Variants in HS6ST2 observed in about 807,000 individuals in gnomAD.
HS6ST2 encodes the protein heparan sulfate 6-O-sulfotransferase 2, also known as heparan-sulfate 6-O-sulfotransferase 2.
A neutral mutation model predicts 33.0 loss-of-function variants in HS6ST2; 17 were observed. The ratio of observed to expected loss-of-function variants is 0.52; its 90% CI spans 0.35 to 0.77. The LOEUF (loss-of-function observed/expected upper bound fraction) is 0.77. Ranked by LOEUF, HS6ST2 falls within the 30% of genes least tolerant of loss-of-function variation. The pLI is 0.01. For missense variants in HS6ST2, 519 were observed against 551.7 expected (o/e 0.94, Z 0.59); for synonymous variants, 248 against 237.1 (o/e 1.05, Z -0.42).
intron 2 of HS6ST2, among the ~76,000 whole-genome samples, chrX:132,805,503 G>A (rs2065272854): frequency 9.2e-6 from 1 of 109,249 alleles, no homozygotes; most frequent in African/African-American, 3.3e-5. Flanking sequence ...CCTCTTCCCT[G>A]ACAGAGACAC....
At chrX:132,678,319 G>C (rs2063940341) in intron 3 of HS6ST2, among the ~76,000 whole-genome samples, 1 of 112,226 alleles carries the variant, frequency 8.9e-6, no homozygotes, top group South Asian at 3.7e-4. Context: ...TTGCACCACT[G>C]CACTCCAGGC....
chrX:132,643,633 G>C (rs2063618357), intron 4 of HS6ST2, among the ~76,000 whole-genome samples: 1 of 111,307 alleles, frequency 9.0e-6, no homozygotes, highest in Non-Finnish European at 1.9e-5. Context: ...GGCACAGAAG[G>C]GACCCAAAAC....
chrX:132,903,781 A>G (rs1483949351), intron 2 of HS6ST2, among the ~76,000 whole-genome samples: 4 of 112,460 alleles, frequency 3.6e-5, no homozygotes, highest in African/African-American at 1.3e-4. Context: ...AATATTTCAC[A>G]ATCTATAATA....
At chrX:132,719,169 C>A (rs1408951009) in intron 2 of HS6ST2, among the ~76,000 whole-genome samples, 5 of 111,373 alleles carry the variant, frequency 4.5e-5, no homozygotes, top group African/African-American at 1.6e-4. Context: ...AGAATTTGAC[C>A]TTGACATCGT....
At chrX:132,848,599 G>T (rs1187425499) in intron 2 of HS6ST2, among the ~76,000 whole-genome samples, 1 of 111,629 alleles carries the variant, frequency 9.0e-6, no homozygotes, top group Non-Finnish European at 1.9e-5. Context: ...GACTGCAAAA[G>T]AGAGGTCTCT....
intron 2 of HS6ST2, among the ~76,000 whole-genome samples, chrX:132,793,703 G>A (rs1185243016): frequency 8.9e-6 from 1 of 112,103 alleles, no homozygotes; most frequent in Non-Finnish European, 1.9e-5. Flanking sequence ...GGGTGAAAAC[G>A]TTTGATATTT....
intron 4 of HS6ST2, among the ~76,000 whole-genome samples, chrX:132,661,859 A>T (rs1338779496): frequency 9.0e-6 from 1 of 111,100 alleles, no homozygotes; most frequent in Non-Finnish European, 1.9e-5. Flanking sequence ...GTGAGACCCC[A>T]TCTCTACAAA....
At position 132,883,778 on chromosome X, in the gene HS6ST2, G is replaced by A. The variant is rs193129300; in HGVS notation, c.947+73030C>T. Among the ~76,000 whole-genome samples the A allele has an allele frequency of 8.5e-4, 95 of 111,329 alleles. No homozygotes were observed. In the East Asian group the frequency reaches 0.022, roughly 26 times the overall value. Reference sequence around the variant, plus strand: ...CCAAATGGCTGTCTTAACTGACACCGTCTTGCTTTCACTCGTGATAAGCAC... The same window carrying A: ...CCAAATGGCTGTCTTAACTGACACCATCTTGCTTTCACTCGTGATAAGCAC... On this transcript the variant is annotated intron_variant, in intron 2 of 4. Transcript: ENST00000370833.
chrX:132,833,740 CA>C (rs1432738699), intron 2 of HS6ST2, among the ~76,000 whole-genome samples: 1 of 108,401 alleles, frequency 9.2e-6, no homozygotes, highest in East Asian at 2.9e-4. Flanking sequence ...CTGGAGGGAA[CA>C]TAAGTTTTCA....
At chrX:132,880,377 A>T (rs1195615845) in intron 2 of HS6ST2, among the ~76,000 whole-genome samples, 1 of 109,802 alleles carries the variant, frequency 9.1e-6, no homozygotes, top group Non-Finnish European at 1.9e-5. Context: ...CTCTCCTAAA[A>T]ATACAAAAAT....
intron 2 of HS6ST2, among the ~76,000 whole-genome samples, chrX:132,896,872 A>G (rs1375768028): frequency 8.9e-6 from 1 of 112,135 alleles, no homozygotes; most frequent in Non-Finnish European, 1.9e-5. Flanking sequence ...GTGCTATGTC[A>G]TAAACATCTA....
At chrX:132,826,061 T>A (rs1253974180) in intron 2 of HS6ST2, among the ~76,000 whole-genome samples, 1 of 112,522 alleles carries the variant, frequency 8.9e-6, no homozygotes, top group Non-Finnish European at 1.9e-5. Context: ...AATCACTTGC[T>A]TGAGAATTAA....
At chrX:132,767,739 G>C (rs1222466168) in intron 2 of HS6ST2, among the ~76,000 whole-genome samples, 1 of 110,660 alleles carries the variant, frequency 9.0e-6, no homozygotes, top group African/African-American at 3.3e-5. Context: ...CTCTATGCTC[G>C]GCATGGTGCT....
chrX:132,800,880 C>T (rs980072313), intron 2 of HS6ST2, among the ~76,000 whole-genome samples: 2 of 111,515 alleles, frequency 1.8e-5, no homozygotes, highest in Non-Finnish European at 3.8e-5. Flanking sequence ...CTCATGACAT[C>T]TGATGGTTTT....
At position 132,904,429 on chromosome X, in the gene HS6ST2, C is replaced by T. The variant is rs1427691854; in HGVS notation, c.947+52379G>A. ...CTCATAGTGCAATATCTAAGGTCAA[C>T]AGTTATGAGGTCATTCCTGGGTCAA... is the stretch of plus-strand genomic sequence containing the variant. On this transcript the variant is annotated intron_variant, in intron 2 of 4. Transcript: ENST00000370833. Among the ~76,000 whole-genome samples the T allele has an allele frequency of 9.0e-5, 10 of 111,584 alleles. No individual in the cohort carries two copies. The Admixed American group carries it at 9.5e-4, about 11-fold the overall frequency.
chrX:132,864,767 G>C (rs1179278765), intron 2 of HS6ST2, among the ~76,000 whole-genome samples: 1 of 110,100 alleles, frequency 9.1e-6, no homozygotes, highest in Non-Finnish European at 1.9e-5. Context: ...ACACCACAAA[G>C]ATACACCTCC....
At chrX:132,753,402 A>T (rs2064726226) in intron 2 of HS6ST2, among the ~76,000 whole-genome samples, 1 of 111,332 alleles carries the variant, frequency 9.0e-6, no homozygotes, top group South Asian at 3.9e-4. Flanking sequence ...ATAATCCCCC[A>T]TGTCAACATG....
At chrX:132,643,154 T>A (rs1384022261) in intron 4 of HS6ST2, among the ~76,000 whole-genome samples, 1 of 112,520 alleles carries the variant, frequency 8.9e-6, no homozygotes, top group Admixed American at 9.4e-5. Flanking sequence ...ATGGCTCTAC[T>A]TTGATGAAAG....
intron 1 of HS6ST2, among the ~76,000 whole-genome samples, 190 bp from the exon 2 acceptor site, chrX:132,957,516 A>C (rs2067096505): frequency 9.3e-6 from 1 of 107,877 alleles, no homozygotes; most frequent in African/African-American, 3.4e-5. Flanking sequence ...CGGCAGGCTC[A>C]GCGCTGTGGC....
Sources: allele counts gnomAD v4.1 joint callset (sites outside exome capture counted in the v4.1 genomes callset), GRCh38; gene constraint gnomAD v4.1.1; transcripts MANE v1.5; gene names NCBI Gene and HGNC (gene_info 2026-07-23, HGNC 2026-07-21).